Variants in HIF3A observed in about 807,000 individuals in gnomAD.
HIF3A encodes the protein hypoxia inducible factor 3 subunit alpha.
In HIF3A, 41 loss-of-function variants were observed where a neutral mutation model predicts 67.2. The observed-to-expected ratio is 0.61, with a 90% CI of 0.48 to 0.79. The LOEUF is 0.79. Among genes scored for constraint, HIF3A ranks in the 30% least tolerant of loss-of-function variants. HIF3A has a pLI of 0.00. For synonymous variants in HIF3A, 356 were observed against 374.8 expected (o/e 0.95, Z 0.58); for missense variants, 855 against 898.0 (o/e 0.95, Z 0.61).
intron 8 of HIF3A, among the ~76,000 whole-genome samples, chr19:46,318,330 G>A (rs1970082517): frequency 6.6e-6 from 1 of 151,588 alleles, no homozygotes; most frequent in Admixed American, 6.6e-5. Flanking sequence ...CGCTTTGGGA[G>A]GCCAAGGCCA....
intron 10 of HIF3A, among the ~76,000 whole-genome samples, chr19:46,323,044 T>G (rs373780251): frequency 3.4e-3 from 39 of 11,314 alleles, no homozygotes; most frequent in African/African-American, 0.026. Flanking sequence ...GGGACAGTGG[T>G]TTTTTTTTTG....
intron 8 of HIF3A, among the ~76,000 whole-genome samples, chr19:46,313,651 C>G (rs919008287): frequency 6.9e-6 from 1 of 145,730 alleles, no homozygotes; most frequent in Non-Finnish European, 1.5e-5. Context: ...ATAGTGGTTA[C>G]ACAATTACCA....
At chr19:46,322,090 T>A (rs1970414956) in intron 10 of HIF3A, 124 bp downstream of exon 10, 8 of 968,730 alleles carry the variant, frequency 8.3e-6, no homozygotes, top group Non-Finnish European at 1.2e-5. Context: ...AGTGGGGAGG[T>A]TGGGATGAGA....
chr19:46,328,681 T>C (rs113961742), intron 11 of HIF3A, among the ~76,000 whole-genome samples: 36 of 152,304 alleles, frequency 2.4e-4, no homozygotes, highest in African/African-American at 8.7e-4. Context: ...CTGAGTCTTC[T>C]CAATGTTCAG....
intron 6 of HIF3A, among the ~76,000 whole-genome samples, chr19:46,309,918 C>T (rs946318706): frequency 7.9e-5 from 12 of 151,932 alleles, no homozygotes; most frequent in Non-Finnish European, 1.8e-4. Context: ...GAGACCCCGT[C>T]TCTACAAAAA....
At chr19:46,308,922 A>G in intron 5 of HIF3A, 147 bp downstream of exon 5, 4 of 667,756 alleles carry the variant, frequency 6.0e-6, no homozygotes, top group Non-Finnish European at 1.0e-5. Context: ...GTCTCAGGGC[A>G]TCGAGGAGCA....
chr19:46,305,678 G>T (rs187825133), intron 3 of HIF3A, among the ~76,000 whole-genome samples: 1 of 152,136 alleles, frequency 6.6e-6, no homozygotes, highest in Non-Finnish European at 1.5e-5. Context: ...CCGGTCAAAG[G>T]GTATGGAGAA....
chr19:46,322,514 A>G (rs1025034854), intron 10 of HIF3A, among the ~76,000 whole-genome samples: 1 of 152,102 alleles, frequency 6.6e-6, no homozygotes, highest in Non-Finnish European at 1.5e-5. Flanking sequence ...ATCTCGGCTC[A>G]CTGCAACCTC....
chr19:46,338,982 C>T lies in HIF3A; in HGVS notation c.1913-543C>T, dbSNP rs531883568. ...TGATGAGGTTTCTCTTCAAATAACC[C>T]GATCAATCTTTTATTCTTTAATTGA... On this transcript the variant is annotated intron_variant, in intron 14 of 14. Coordinates refer to ENST00000377670, the MANE Select transcript of HIF3A (RefSeq NM_152795.4). Among the ~76,000 whole-genome samples, 188 of 152,222 alleles carry T rather than the reference C, an allele frequency of 1.2e-3. 2 individuals are homozygous for T. Among genetic ancestry groups the T allele is most frequent in the Admixed American group, 4.7e-3 (71 of 15,262 alleles).
In HIF3A at chr19:46,334,969, A is replaced by G; in HGVS notation, c.1895A>G (p.Asn632Ser). Residue 632 changes from asparagine to serine, a missense_variant, in exon 14 of 15, where the codon AAC (asparagine) becomes AGC (serine). Around this residue, in one of 3 missense-constraint regions of HIF3A, gnomAD observed 199 missense variants for 193.8 expected, o/e 1.03. Transcript: ENST00000377670. The stretch of plus-strand genomic sequence containing the variant: ...CAGGACCCCAGCACCCCACTCCTGA[A>G]CCTGAATGAGCCCCTGGGTGAGTAG... ...SLQDPSTPLL[N>S]LNEPLGLGPS... 6.2e-7 allele frequency: 1 copy of G among 1,606,306 alleles called. No homozygotes were observed. Among genetic ancestry groups the G allele is most frequent in the East Asian group, 2.2e-5 (1 of 44,574 alleles).
chr19:46,302,563 C>T (rs561302664), intron 1 of HIF3A, among the ~76,000 whole-genome samples: 93 of 152,246 alleles, frequency 6.1e-4, no homozygotes, highest in Non-Finnish European at 1.1e-3. Context: ...AAATTATAGC[C>T]GCTTCCGGCT....
Position 46,331,268 on chromosome 19 carries a change from A to G in HIF3A, c.1825A>G (p.Ser609Gly). ...EHENFLLFPL[S>G]LSFLLTGGPA... ...CGAAAACTTTCTGCTCTTTCCTCTC[A>G]GCCTGGTGTGTTGGGGGATTAATGG... The change falls in exon 13 of 15, where the codon AGC becomes GGC. Residue 609 changes from serine (S) to glycine (G), a missense_variant. Physicochemically the swap from Ser to Gly is moderately conservative, Grantham distance 56. This residue lies in a region of HIF3A where 199 missense variants were observed against 193.8 expected (regional missense o/e 1.03). Transcript: ENST00000377670. 6.2e-7 allele frequency: 1 copy of G among 1,612,808 alleles called. No homozygotes were observed. Among genetic ancestry groups the G allele is most frequent in the Non-Finnish European group, 8.5e-7 (1 of 1,178,918 alleles).
chr19:46,308,501 G>A lies in HIF3A; in HGVS notation c.449-162G>A, dbSNP rs1405077347. 4.8e-6 allele frequency: 3 copies of A among 629,574 alleles called. No homozygotes were observed. In the South Asian group the frequency reaches 5.9e-5, roughly 12 times the overall value. 39.0% of individuals were successfully genotyped at this position (629,574 alleles called of 1,614,324 possible). On this transcript the variant is annotated intron_variant, in intron 4 of 14. Transcript: ENST00000377670. ...TCTGAGGGGACACAGCCCTGCCCTG[G>A]GGGGTCCAAGGGGACACATACTACC... is the stretch of plus-strand genomic sequence containing the variant.
In HIF3A at chr19:46,313,211, A is replaced by G. The variant is rs1053691654; in HGVS notation, c.1025+558A>G. ...GGCTGCAGTGAGCCGAGATTGCGTC[A>G]GTGCACTCTGGCCTCGGCAACAGAG... On this transcript the variant is annotated intron_variant, in intron 8 of 14. Transcript: ENST00000377670. 5.2e-6 allele frequency: 4 copies of G among 762,740 alleles called. No homozygotes were observed. In the African/African-American group the frequency reaches 7.6e-5, roughly 14 times the overall value. The allele number at this position is 762,740 out of a possible 1,614,324, so 47.2% of individuals were successfully genotyped here.
intron 13 of HIF3A, 187 bp downstream of exon 13, chr19:46,331,460 G>A (rs1281802251): frequency 1.7e-5 from 4 of 236,580 alleles, no homozygotes; most frequent in South Asian, 1.7e-4. Context: ...CCTCTGCAGT[G>A]AACTGAGATT....
At chr19:46,316,733 G>A (rs557855713) in intron 8 of HIF3A, among the ~76,000 whole-genome samples, 19 of 151,412 alleles carry the variant, frequency 1.3e-4, no homozygotes, top group Admixed American at 1.1e-3. Context: ...AACCCCGGAG[G>A]CAGAGGTTGC....
chr19:46,302,860 C>T (rs866392580), intron 1 of HIF3A, among the ~76,000 whole-genome samples: 1 of 152,080 alleles, frequency 6.6e-6, no homozygotes, highest in African/African-American at 2.4e-5. Context: ...GGCAACAGAG[C>T]GACAGCCTGT....
At chr19:46,321,059 C>CT (rs1341508560) in intron 9 of HIF3A, among the ~76,000 whole-genome samples, 11 of 152,182 alleles carry the variant, frequency 7.2e-5, no homozygotes, top group Non-Finnish European at 1.6e-4. Context: ...GCCACCCATG[C>CT]TCCTGGGTGT....
chr19:46,312,053 G>A (rs12461322), intron 6 of HIF3A, 108 bp from the exon 7 acceptor site: 105,183 of 840,490 alleles, frequency 0.13, 9,085 homozygotes, highest in East Asian at 0.35. Context: ...AATCCTTCTC[G>A]ACATCTTGCT....
Sources: allele counts gnomAD v4.1 joint callset (sites outside exome capture counted in the v4.1 genomes callset), GRCh38; gene constraint gnomAD v4.1.1; regional missense constraint gnomAD v4.1.1; transcripts MANE v1.5; gene names NCBI Gene and HGNC (gene_info 2026-07-23, HGNC 2026-07-21).